RIN3: variants seen among roughly 807,000 people sequenced by gnomAD.
RIN3 encodes Ras and Rab interactor 3, also known as RAB5 interacting protein 3.
Under a neutral mutation model 76.3 loss-of-function variants are expected in RIN3, and 54 were observed. The ratio of observed to expected loss-of-function variants is 0.71; its 90% CI spans 0.57 to 0.89. RIN3 has a LOEUF of 0.89. Ranked by LOEUF, RIN3 falls within the 40% of genes least tolerant of loss-of-function variation. The probability of loss-of-function intolerance (pLI) is 0.00; values close to 1 mark genes in which losing one functional copy is unlikely to be tolerated. For synonymous variants in RIN3, 576 were observed against 564.0 expected (o/e 1.02, Z -0.30); for missense variants, 1,256 against 1,322.1 (o/e 0.95, Z 0.78).
intron 4 of RIN3, among the ~76,000 whole-genome samples, chr14:92,640,914 T>C (rs1026245652): frequency 6.6e-6 from 1 of 151,638 alleles, no homozygotes; most frequent in Non-Finnish European, 1.5e-5. Context: ...CAGGGAGGGG[T>C]GGGCCACTCA....
rs151197835 is a variant in RIN3, at chr14:92,607,860, T to C, written c.368-7547T>C. The stretch of plus-strand genomic sequence containing the variant: ...TCAGCAGTAAAAGGCAATGAACTGT[T>C]GATTCACGGAACAACTTGGATGAAC... On this transcript the variant is annotated intron_variant, in intron 3 of 9. Transcript: ENST00000216487. Among the ~76,000 whole-genome samples the C allele has an allele frequency of 5.0e-4, 76 of 152,322 alleles. No individual in the cohort carries two copies. In the East Asian group the frequency reaches 0.014, roughly 28 times the overall value.
chr14:92,661,184 G>A (rs1887869770), intron 7 of RIN3, among the ~76,000 whole-genome samples: 1 of 152,196 alleles, frequency 6.6e-6, no homozygotes, highest in African/African-American at 2.4e-5. Flanking sequence ...TGGCCTCCAT[G>A]CACAGCACCT....
chr14:92,540,076 G>T (rs1174457330), intron 1 of RIN3, among the ~76,000 whole-genome samples: 1 of 152,226 alleles, frequency 6.6e-6, no homozygotes, highest in African/African-American at 2.4e-5. Context: ...GCTGGAGAGT[G>T]CTGGACGCAC....
intron 1 of RIN3, among the ~76,000 whole-genome samples, chr14:92,529,764 G>A (rs55917551): frequency 0.071 from 10,839 of 152,086 alleles, 1,283 homozygotes; most frequent in African/African-American, 0.25. Context: ...AGGATCCGAA[G>A]CGTAGTGTTC....
At chr14:92,612,453 A>G (rs917867505) in intron 3 of RIN3, among the ~76,000 whole-genome samples, 1 of 152,186 alleles carries the variant, frequency 6.6e-6, no homozygotes, top group Non-Finnish European at 1.5e-5. Flanking sequence ...CCCTAGAGGG[A>G]AGGGCCATCA....
chr14:92,516,735 C>T lies in RIN3; in HGVS notation c.44+2759C>T, dbSNP rs182140487. On this transcript the variant is annotated intron_variant, in intron 1 of 9. Coordinates refer to ENST00000216487, the MANE Select transcript of RIN3 (RefSeq NM_024832.5). The stretch of plus-strand genomic sequence containing the variant: ...TCGCAGCACATTTATCCCTGAGGCC[C>T]TCCTCATCTCCCCTACCCCCTTGGT... 6.8e-4 allele frequency among the ~76,000 whole-genome samples: 104 copies of T among 152,258 alleles called. 2 individuals carry two copies. In the East Asian group the frequency reaches 0.02, roughly 29 times the overall value.
Position 92,685,139 on chromosome 14 carries a change from T to C in RIN3, c.2620T>C (p.Ser874Pro), listed in dbSNP as rs762913917. Reference sequence around the variant, plus strand: ...TCTCAACAAGGCCCGGGCCTCCCGCTCCTCCGTACAGGTGAGGCCTGAGAG... The same window carrying C: ...TCTCAACAAGGCCCGGGCCTCCCGCCCCTCCGTACAGGTGAGGCCTGAGAG... The part of the protein sequence containing the change: ...RTLNKARASR[S>P]SVQDFICVSY... The change falls in exon 9 of 10, where the codon TCC becomes CCC. Residue 874 changes from serine to proline, a missense_variant. Physicochemically the swap from Ser to Pro is moderately conservative, Grantham distance 74 (BLOSUM62 -1). Coordinates refer to ENST00000216487, the MANE Select transcript of RIN3 (RefSeq NM_024832.5). This position sits in a 1 kb window ranked among gnomAD's most constrained non-coding sequence, Gnocchi z 4.7. The C allele has an allele frequency of 1.5e-5, 24 of 1,610,986 alleles. No homozygotes were observed. The highest frequency in any genetic ancestry group is 2.0e-5 in the Non-Finnish European group (23 of 1,178,530).
chr14:92,523,322 G>A (rs2139995334), intron 1 of RIN3, among the ~76,000 whole-genome samples: 1 of 152,278 alleles, frequency 6.6e-6, no homozygotes, highest in South Asian at 2.1e-4. Context: ...ATGTTGGCCA[G>A]GCTGGTCTTG....
chr14:92,651,222 A>C (rs1425773207), intron 5 of RIN3, among the ~76,000 whole-genome samples: 1 of 151,944 alleles, frequency 6.6e-6, no homozygotes, highest in East Asian at 1.9e-4. Flanking sequence ...CTGTGCTCTC[A>C]CCATGCCTTC....
chr14:92,653,452 A>G (rs1332746671), intron 6 of RIN3, among the ~76,000 whole-genome samples: 1 of 152,078 alleles, frequency 6.6e-6, no homozygotes, highest in Admixed American at 6.5e-5. Flanking sequence ...GGCTGAGTTC[A>G]TCCTTGCTCA....
At chr14:92,588,188 A>T (rs1278135663) in intron 3 of RIN3, among the ~76,000 whole-genome samples, 1 of 121,210 alleles carries the variant, frequency 8.3e-6, no homozygotes, top group Non-Finnish European at 1.7e-5. Context: ...TGAATTTCGG[A>T]GGGGACCCAT....
intron 1 of RIN3, 120 bp from the exon 2 acceptor site, chr14:92,555,631 C>A: frequency 1.1e-6 from 1 of 929,480 alleles, no homozygotes; most frequent in Non-Finnish European, 1.7e-6. Flanking sequence ...TTTAATTCCC[C>A]AAAGGGCCAC....
At chr14:92,630,591 G>A (rs562403399) in intron 4 of RIN3, among the ~76,000 whole-genome samples, 1 of 152,320 alleles carries the variant, frequency 6.6e-6, no homozygotes, top group East Asian at 1.9e-4. Context: ...CTTCCTCTAT[G>A]TCCAGGGAGC....
At chr14:92,678,226 C>T (rs1888540917) in intron 8 of RIN3, among the ~76,000 whole-genome samples, 2 of 150,110 alleles carry the variant, frequency 1.3e-5, no homozygotes, top group Non-Finnish European at 3.0e-5. Flanking sequence ...ACCCACCCAT[C>T]CATCCATGCA....
chr14:92,513,958 C>T lies in RIN3; in HGVS notation c.26C>T (p.Ala9Val), dbSNP rs1367912090. 2 of 1,245,178 alleles carry T rather than the reference C, an allele frequency of 1.6e-6. No homozygotes were observed. Among genetic ancestry groups the T allele is most frequent in the Non-Finnish European group, 2.0e-6 (2 of 994,828 alleles). 77.1% of individuals were successfully genotyped at this position (1,245,178 alleles called of 1,614,324 possible). A position where few individuals can be genotyped will look rare whatever the true frequency, so the allele number is the denominator to read the frequency against. The change falls in exon 1 of 10, where the codon GCG (alanine) becomes GTG (valine). Residue 9 changes from alanine to valine, a missense_variant. This residue lies in a region of RIN3 where 610 missense variants were observed against 626.4 expected (regional missense o/e 0.97). Coordinates refer to ENST00000216487, the MANE Select transcript of RIN3 (RefSeq NM_024832.5). MIRHAGAPARGDPTGPVPV... is the reference protein window; with the variant it reads MIRHAGAPVRGDPTGPVPV... ...ATGATCCGACACGCCGGGGCGCCCGCGCGCGGGGACCCCACGGGGTAAGTC... is the reference window on the plus strand; with the variant it reads ...ATGATCCGACACGCCGGGGCGCCCGTGCGCGGGGACCCCACGGGGTAAGTC...
At chr14:92,523,840 C>T (rs991697933) in intron 1 of RIN3, among the ~76,000 whole-genome samples, 2 of 152,170 alleles carry the variant, frequency 1.3e-5, no homozygotes, top group African/African-American at 4.8e-5. Flanking sequence ...GTTAACCCTC[C>T]CCATGCCAGT....
At chr14:92,521,930 A>C (rs192946837) in intron 1 of RIN3, among the ~76,000 whole-genome samples, 1 of 152,318 alleles carries the variant, frequency 6.6e-6, no homozygotes, top group Admixed American at 6.5e-5. Context: ...GTAGGATTTT[A>C]ACCACTGAAA....
At chr14:92,612,969 AG>A (rs1264600952) in intron 3 of RIN3, among the ~76,000 whole-genome samples, 6 of 152,200 alleles carry the variant, frequency 3.9e-5, no homozygotes, top group Non-Finnish European at 7.3e-5. Context: ...GTAAAGTGCC[AG>A]GGGGCACAGA....
rs766309862 is a variant in RIN3, at chr14:92,676,589, C to G, written c.2450C>G (p.Ala817Gly). The G allele has an allele frequency of 6.2e-7, 1 of 1,613,702 alleles. No individual in the cohort carries two copies. The highest frequency in any genetic ancestry group is 2.2e-5 in the East Asian group (1 of 44,864). Residue 817 changes from alanine to glycine, a missense_variant, in exon 8 of 10, where the codon GCC becomes GGC. By Grantham distance (60) the Ala-to-Gly change is moderately conservative. This residue lies in a region of RIN3 where 428 missense variants were observed against 521.2 expected (regional missense o/e 0.82). Coordinates refer to ENST00000216487, the MANE Select transcript of RIN3 (RefSeq NM_024832.5). ...TACATGATGGAGCTCATGGACCCCG[C>G]CCTGCAGCTGGGGGAGGGTGAGTCA... Reference protein sequence around the residue: ...VEYMMELMDPALQLGEGSYYL... With the variant: ...VEYMMELMDPGLQLGEGSYYL...
Sources: allele counts gnomAD v4.1 joint callset (sites outside exome capture counted in the v4.1 genomes callset), GRCh38; gene constraint gnomAD v4.1.1; regional missense constraint gnomAD v4.1.1; non-coding constraint Gnocchi (gnomAD v3.1); transcripts MANE v1.5; gene names NCBI Gene and HGNC (gene_info 2026-07-23, HGNC 2026-07-21).